The following LYST variants were observed in gnomAD, a reference collection of about 807,000 sequenced individuals.
LYST encodes lysosomal-trafficking regulator.
LYST carries 192 observed loss-of-function variants against 413.6 expected under a neutral mutation model. The ratio of observed to expected loss-of-function variants is 0.46; its 90% confidence interval spans 0.41 to 0.52. LYST has a LOEUF of 0.52. LYST is among the 20% of genes least tolerant of loss of function. The pLI, the probability that LYST is intolerant of heterozygous loss-of-function variation, is 0.00. For synonymous variants in LYST, 1,525 were observed against 1,567.3 expected (o/e 0.97, Z 0.64); for missense variants, 3,815 against 4,499.9 (o/e 0.85, Z 4.35).
intron 7 of LYST, among the ~76,000 whole-genome samples, chr1:235,803,905 GGACA>G (rs1276993607): frequency 1.3e-5 from 2 of 151,888 alleles, no homozygotes; most frequent in African/African-American, 4.8e-5. Flanking sequence ...AAAAAATAAA[GGACA>G]GATGGCAACT....
At chr1:235,755,246 G>A (rs757360584) in intron 25 of LYST, among the ~76,000 whole-genome samples, 25 of 151,536 alleles carry the variant, frequency 1.6e-4, no homozygotes, top group South Asian at 6.2e-4. Context: ...AAAACTAGCC[G>A]GGCATGGTGG....
intron 6 of LYST, among the ~76,000 whole-genome samples, 179 bp from the exon 7 acceptor site, chr1:235,804,844 T>C (rs1672636819): frequency 6.6e-6 from 1 of 152,212 alleles, no homozygotes; most frequent in African/African-American, 2.4e-5. Context: ...TTAAAATTAA[T>C]AACATTTTTA....
chr1:235,817,478 C>T (rs570389934), intron 3 of LYST, among the ~76,000 whole-genome samples: 7 of 152,098 alleles, frequency 4.6e-5, no homozygotes, highest in African/African-American at 9.7e-5. Flanking sequence ...TACCCATCAA[C>T]GGTAGACTGG....
intron 1 of LYST, among the ~76,000 whole-genome samples, chr1:235,850,100 G>A (rs1183991045): frequency 6.6e-6 from 1 of 152,056 alleles, no homozygotes; most frequent in Non-Finnish European, 1.5e-5. Context: ...AAATCTGGAG[G>A]CATCACATTA....
chr1:235,763,610 C>T (rs1463523150), intron 21 of LYST, among the ~76,000 whole-genome samples: 1 of 149,636 alleles, frequency 6.7e-6, no homozygotes, highest in African/African-American at 2.4e-5. Flanking sequence ...GCCACCACGC[C>T]CAGCAACTTT....
chr1:235,766,895 C>T (rs1213930293), intron 20 of LYST, among the ~76,000 whole-genome samples: 2 of 151,976 alleles, frequency 1.3e-5, no homozygotes, highest in Non-Finnish European at 2.9e-5. Flanking sequence ...TATACTAATA[C>T]AATATGCTCC....
chr1:235,861,946 G>A (rs1679932291), intron 1 of LYST, among the ~76,000 whole-genome samples: 1 of 152,156 alleles, frequency 6.6e-6, no homozygotes. Flanking sequence ...GCTAATCCCT[G>A]CATATTACTA....
At position 235,663,078 on chromosome 1, in the gene LYST, G is replaced by C. The variant is rs1558092432; in HGVS notation, c.11268C>G (p.Ser3756Arg). The change falls in exon 53 of 53, where the codon AGC becomes AGG. Residue 3756 changes from serine (S) to arginine (R), a missense_variant and splice_region_variant. Coordinates refer to ENST00000389793, the MANE Select transcript of LYST (RefSeq NM_000081.4). ...TFPKSNKPII[S>R]LTFSCDGHHL... ...GGTGGCCATCACAAGAAAATGTAAG[G>C]CTGTAAAAAAAAAAAAATTCCCATT... The C allele has an allele frequency of 6.4e-6, 10 of 1,560,880 alleles. No individual in the cohort carries two copies. The highest frequency in any genetic ancestry group is 8.6e-6 in the Non-Finnish European group (10 of 1,157,504).
intron 3 of LYST, among the ~76,000 whole-genome samples, chr1:235,821,304 A>G (rs908405143): frequency 2.6e-5 from 4 of 152,166 alleles, no homozygotes; most frequent in Non-Finnish European, 4.4e-5. Flanking sequence ...GGGCATAGTG[A>G]TACATGCCTG....
chr1:235,860,720 A>G (rs1304218773), intron 1 of LYST, among the ~76,000 whole-genome samples: 1 of 152,190 alleles, frequency 6.6e-6, no homozygotes, highest in Non-Finnish European at 1.5e-5. Context: ...CCACATATTT[A>G]AAGTGCATAA....
Position 235,662,799 on chromosome 1 carries a change from G to A in LYST, c.*141C>T. 2 of 758,936 alleles carry A rather than the reference G, an allele frequency of 2.6e-6. No individual in the cohort carries two copies. Among genetic ancestry groups the A allele is most frequent in the Non-Finnish European group, 2.4e-6 (1 of 412,140 alleles). 47.0% of individuals were successfully genotyped at this position (758,936 alleles called of 1,614,324 possible). ...GGATCATGTGACTCTTCAGAATTTT[G>A]TGCAGATGAATAGACTTTATCATTA... is the stretch of plus-strand genomic sequence containing the variant. On this transcript the variant is annotated 3_prime_UTR_variant, in exon 53 of 53. Transcript: ENST00000389793.
intron 3 of LYST, among the ~76,000 whole-genome samples, chr1:235,817,936 T>C (rs1418638779): frequency 3.3e-5 from 5 of 152,116 alleles, no homozygotes; most frequent in African/African-American, 7.2e-5. Flanking sequence ...CCACTGGCAA[T>C]AGAATTGTCC....
intron 14 of LYST, among the ~76,000 whole-genome samples, chr1:235,782,967 TACAAAAG>T (rs1670021608): frequency 6.6e-6 from 1 of 152,176 alleles, no homozygotes; most frequent in Non-Finnish European, 1.5e-5. Flanking sequence ...AAGGAATGCT[TACAAAAG>T]ACAGTACTGG....
chr1:235,718,498 G>A (rs1016159337), intron 40 of LYST, among the ~76,000 whole-genome samples: 4 of 151,844 alleles, frequency 2.6e-5, no homozygotes, highest in African/African-American at 9.7e-5. Flanking sequence ...CTGACGTCAG[G>A]TGATCTGCCT....
intron 34 of LYST, among the ~76,000 whole-genome samples, chr1:235,733,300 C>T (rs1052674207): frequency 6.6e-6 from 1 of 151,056 alleles, no homozygotes; most frequent in Non-Finnish European, 1.5e-5. Context: ...AGCTACTGCC[C>T]CCCTCATTAC....
intron 48 of LYST, among the ~76,000 whole-genome samples, chr1:235,680,212 C>T (rs1468496675): frequency 6.6e-6 from 1 of 152,030 alleles, no homozygotes; most frequent in Non-Finnish European, 1.5e-5. Flanking sequence ...TTTTAAGAAA[C>T]AGTAAATCTC....
At chr1:235,757,136 T>C in intron 24 of LYST, 145 bp downstream of exon 24, 1 of 579,584 alleles carries the variant, frequency 1.7e-6, no homozygotes, top group Non-Finnish European at 2.9e-6. Flanking sequence ...AATATATGAG[T>C]ATTAAGTAAC....
intron 3 of LYST, among the ~76,000 whole-genome samples, chr1:235,820,810 T>G (rs1378952259): frequency 6.6e-6 from 1 of 152,224 alleles, no homozygotes; most frequent in Non-Finnish European, 1.5e-5. Context: ...TAATTATTTC[T>G]AATATATGTG....
intron 3 of LYST, among the ~76,000 whole-genome samples, chr1:235,824,842 A>G (rs1437288181): frequency 6.6e-6 from 1 of 152,102 alleles, no homozygotes; most frequent in Admixed American, 6.5e-5. Context: ...CAAGATGGTG[A>G]AACCCCGTCT....
Sources: gnomAD v4.1 joint callset for allele counts (sites outside exome capture counted in the v4.1 genomes callset) on GRCh38, gnomAD v4.1.1 for gene constraint, MANE v1.5 for transcripts, NCBI Gene and HGNC (gene_info 2026-07-23, HGNC 2026-07-21) for gene names.